DNM3: variants seen among roughly 807,000 people sequenced by gnomAD.
DNM3 encodes dynamin 3.
DNM3 carries 47 observed loss-of-function variants against 101.6 expected under a neutral mutation model. The ratio of observed to expected loss-of-function variants is 0.46; its 90% CI spans 0.37 to 0.59. The LOEUF is 0.59. Ranked by LOEUF, DNM3 falls within the 20% of genes least tolerant of loss-of-function variation. The pLI is 0.00. For missense variants in DNM3, 849 were observed against 1,085.7 expected (o/e 0.78, Z 3.06); for synonymous variants, 385 against 387.9 (o/e 0.99, Z 0.09).
chr1:172,283,486 G>T (rs535108672), intron 15 of DNM3, among the ~76,000 whole-genome samples: 2 of 152,024 alleles, frequency 1.3e-5, no homozygotes, highest in African/African-American at 2.4e-5. Context: ...GTCAGGCTGG[G>T]CATGGTGGCT....
intron 15 of DNM3, among the ~76,000 whole-genome samples, chr1:172,295,668 T>G (rs1436171284): frequency 6.6e-6 from 1 of 152,036 alleles, no homozygotes. Flanking sequence ...AAAGAAACAG[T>G]CAGCATTTAA....
chr1:172,124,531 A>G (rs1272857968), intron 13 of DNM3, among the ~76,000 whole-genome samples: 5 of 152,200 alleles, frequency 3.3e-5, no homozygotes, highest in Admixed American at 2.0e-4. Context: ...TTACTGGTCT[A>G]AGAAGCCTAG....
chr1:171,872,049 C>T (rs2035346006), intron 1 of DNM3, among the ~76,000 whole-genome samples: 2 of 151,964 alleles, frequency 1.3e-5, no homozygotes, highest in African/African-American at 4.8e-5. Context: ...GCTGATAACC[C>T]ATCAGGAAAG....
At chr1:172,252,876 A>G (rs936677821) in intron 14 of DNM3, among the ~76,000 whole-genome samples, 3 of 152,124 alleles carry the variant, frequency 2.0e-5, no homozygotes, top group Non-Finnish European at 4.4e-5. Flanking sequence ...TTTATTTTGA[A>G]AGAGAGTTTG....
chr1:172,079,137 T>C (rs1572412957), intron 11 of DNM3, among the ~76,000 whole-genome samples: 1 of 152,338 alleles, frequency 6.6e-6, no homozygotes, highest in Admixed American at 6.5e-5. Flanking sequence ...TGGTGTTTTC[T>C]GTATTTCCTG....
At position 171,959,285 on chromosome 1, in the gene DNM3, TGTA is replaced by T. The variant is rs1374141244; in HGVS notation, c.236-28367_236-28365del. On this transcript the variant is annotated intron_variant, in intron 2 of 20. Transcript: ENST00000627582. ...TTTTTCATTATATATATATGTCAAA[TGTA>T]GTATTTTGTATTATTTGATATATTA... is the stretch of plus-strand genomic sequence containing the variant. Among the ~76,000 whole-genome samples the T allele has an allele frequency of 8.5e-5, 13 of 152,196 alleles. No homozygotes were observed. In the East Asian group the frequency reaches 2.3e-3, roughly 27 times the overall value.
intron 2 of DNM3, among the ~76,000 whole-genome samples, chr1:171,980,012 G>T (rs1448746285): frequency 2.6e-5 from 4 of 152,058 alleles, no homozygotes; most frequent in Non-Finnish European, 5.9e-5. Context: ...CTTGGCACCA[G>T]CTTTTTGTCT....
chr1:172,227,271 G>GATATATATATATATATATATATATAT (rs140087796), intron 14 of DNM3, among the ~76,000 whole-genome samples: 28 of 78,024 alleles, frequency 3.6e-4, no homozygotes, highest in East Asian at 7.0e-4. Context: ...AGTATTTTGT[G>GATATATATATATATATATATATATAT]ATATATATAT....
At chr1:172,068,478 T>G (rs958573436) in intron 10 of DNM3, among the ~76,000 whole-genome samples, 1 of 152,354 alleles carries the variant, frequency 6.6e-6, no homozygotes, top group South Asian at 2.1e-4. Flanking sequence ...GTCATTATCC[T>G]TTTCTTTGTC....
intron 14 of DNM3, among the ~76,000 whole-genome samples, chr1:172,225,958 A>C (rs2061102840): frequency 6.6e-6 from 1 of 151,996 alleles, no homozygotes. Flanking sequence ...CTTTCCACCA[A>C]ATATAGATTT....
At chr1:172,270,068 C>G (rs1230712307) in intron 15 of DNM3, among the ~76,000 whole-genome samples, 2 of 151,962 alleles carry the variant, frequency 1.3e-5, no homozygotes, top group African/African-American at 4.8e-5. Flanking sequence ...AAAAAACTTA[C>G]GTCAAATAGT....
At chr1:172,185,729 A>C (rs2059499121) in intron 14 of DNM3, among the ~76,000 whole-genome samples, 2 of 152,152 alleles carry the variant, frequency 1.3e-5, no homozygotes, top group Admixed American at 1.3e-4. Flanking sequence ...CTTCATAGCT[A>C]GATAAGAACA....
At chr1:171,885,877 A>G (rs188277057) in intron 1 of DNM3, among the ~76,000 whole-genome samples, 3 of 152,154 alleles carry the variant, frequency 2.0e-5, no homozygotes, top group Admixed American at 6.5e-5. Flanking sequence ...GGGTGGATAG[A>G]TCTTGGACTT....
chr1:171,962,167 A>G (rs982254941), intron 2 of DNM3, among the ~76,000 whole-genome samples: 2 of 152,222 alleles, frequency 1.3e-5, no homozygotes, highest in African/African-American at 4.8e-5. Context: ...CCAAGAATGT[A>G]ATCATCAATT....
intron 2 of DNM3, among the ~76,000 whole-genome samples, chr1:171,985,201 T>C (rs2045156903): frequency 6.6e-6 from 1 of 152,206 alleles, no homozygotes; most frequent in Non-Finnish European, 1.5e-5. Context: ...TCTTGAAGGG[T>C]GCATTTTCCA....
chr1:172,213,517 C>CAAAAAAAAAAAAAAAAAAA (rs57339395), intron 14 of DNM3, among the ~76,000 whole-genome samples: 1 of 79,392 alleles, frequency 1.3e-5, no homozygotes, highest in African/African-American at 4.6e-5. Flanking sequence ...TCCATTGTTA[C>CAAAAAAAAAAAAAAAAAAA]AAAAAAAAAA....
intron 15 of DNM3, among the ~76,000 whole-genome samples, chr1:172,259,727 A>C (rs2062564124): frequency 6.6e-6 from 1 of 152,078 alleles, no homozygotes; most frequent in African/African-American, 2.4e-5. Context: ...GCAAAGTTTA[A>C]TCTGTTTACC....
chr1:172,127,558 C>T (rs1239748991), intron 13 of DNM3, among the ~76,000 whole-genome samples: 14 of 151,452 alleles, frequency 9.2e-5, no homozygotes, highest in Admixed American at 4.6e-4. Flanking sequence ...TACAGGCACC[C>T]GCCAGCATGC....
chr1:171,883,371 AC>A (rs2036467038), intron 1 of DNM3, among the ~76,000 whole-genome samples: 1 of 25,474 alleles, frequency 3.9e-5, no homozygotes, highest in South Asian at 1.8e-3. Context: ...GACCACACAC[AC>A]ACACACACAC....
Sources: gnomAD v4.1 joint callset for allele counts (sites outside exome capture counted in the v4.1 genomes callset) on GRCh38, gnomAD v4.1.1 for gene constraint, MANE v1.5 for transcripts, NCBI Gene and HGNC (gene_info 2026-07-23, HGNC 2026-07-21) for gene names.